Variants in FGF12 observed in about 807,000 individuals in gnomAD.
FGF12 encodes fibroblast growth factor 12.
FGF12 carries 14 observed loss-of-function variants against 23.6 expected under a neutral mutation model. The ratio of observed to expected loss-of-function variants is 0.59; its 90% confidence interval spans 0.39 to 0.93. The LOEUF (loss-of-function observed/expected upper bound fraction) is 0.93, where lower values mean the gene tolerates loss of function less well. Among genes scored for constraint, FGF12 ranks in the 40% least tolerant of loss-of-function variants. FGF12 has a pLI of 0.00. For missense variants in FGF12, 175 were observed against 217.8 expected, an observed-to-expected ratio of 0.80 and a Z score of 1.24; for synonymous variants, 62 against 77.3, an observed-to-expected ratio of 0.80 and a Z score of 1.04.
At chr3:192,543,919 C>T (rs1381723216) in intron 2 of FGF12, among the ~76,000 whole-genome samples, 1 of 152,194 alleles carries the variant, frequency 6.6e-6, no homozygotes, top group African/African-American at 2.4e-5. Flanking sequence ...CTTCCCTATC[C>T]TCTCCTAAGG....
intron 2 of FGF12, among the ~76,000 whole-genome samples, chr3:192,697,105 C>T (rs889583170): frequency 1.5e-4 from 23 of 151,808 alleles, no homozygotes; most frequent in African/African-American, 4.8e-4. Flanking sequence ...GGGCTGACTT[C>T]TCCTGCTGAC....
At chr3:192,486,436 C>G (rs547444662) in intron 2 of FGF12, among the ~76,000 whole-genome samples, 1 of 151,718 alleles carries the variant, frequency 6.6e-6, no homozygotes, top group Non-Finnish European at 1.5e-5. Context: ...TCAGATGAGG[C>G]CTTGATGAAA....
At chr3:192,311,795 C>T (rs1029625274) in intron 4 of FGF12, among the ~76,000 whole-genome samples, 3 of 152,140 alleles carry the variant, frequency 2.0e-5, no homozygotes, top group African/African-American at 7.2e-5. Context: ...TTCTCACCTA[C>T]GTGTGTTATT....
Position 192,547,104 on chromosome 3 carries a change from T to C in FGF12, c.13+180077A>G, listed in dbSNP as rs548755661. Among the ~76,000 whole-genome samples, 6 of 152,258 alleles carry C rather than the reference T, an allele frequency of 3.9e-5. No individual in the cohort carries two copies. The South Asian group carries it at 1.0e-3, about 26-fold the overall frequency. ...CAGATTCTAGCTGAGCCTCCACAAA[T>C]GTTCCTTAGACCTACCCAACTCTAT... is the stretch of plus-strand genomic sequence containing the variant. On this transcript the variant is annotated intron_variant, in intron 2 of 5. Transcript: ENST00000445105.
chr3:192,244,185 G>A (rs1412113724), intron 4 of FGF12, among the ~76,000 whole-genome samples: 1 of 151,976 alleles, frequency 6.6e-6, no homozygotes, highest in Non-Finnish European at 1.5e-5. Flanking sequence ...CAAATATTCT[G>A]CTTTCTGCTC....
intron 2 of FGF12, among the ~76,000 whole-genome samples, chr3:192,488,359 T>C (rs1386578478): frequency 6.6e-6 from 1 of 152,114 alleles, no homozygotes; most frequent in Non-Finnish European, 1.5e-5. Flanking sequence ...TAAATATTGC[T>C]TAACCCAGGT....
intron 4 of FGF12, among the ~76,000 whole-genome samples, chr3:192,279,028 G>A (rs1299066845): frequency 1.3e-5 from 2 of 152,110 alleles, no homozygotes; most frequent in Non-Finnish European, 2.9e-5. Context: ...TTTGAATAAC[G>A]AAGGAAGTGT....
intron 4 of FGF12, among the ~76,000 whole-genome samples, chr3:192,286,005 C>T (rs181003286): frequency 1.3e-5 from 2 of 152,118 alleles, no homozygotes; most frequent in East Asian, 3.9e-4. Context: ...AAAAATTTAT[C>T]AAACTTAGTC....
At position 192,727,462 on chromosome 3, in the gene FGF12, ATTTTTTT is replaced by A. The variant is rs34864946; in HGVS notation, c.-131+15_-131+21del. 1 of 561,462 alleles carries A rather than the reference ATTTTTTT, an allele frequency of 1.8e-6. No homozygotes were observed. Among genetic ancestry groups the A allele is most frequent in the Non-Finnish European group, 2.9e-6 (1 of 346,054 alleles). The allele number at this position is 561,462 out of a possible 1,614,324, so 34.8% of individuals were successfully genotyped here. A position where few individuals can be genotyped will look rare whatever the true frequency, so the allele number is the denominator to read the frequency against. Reference sequence around the variant, plus strand: ...AAATGCATGCACAGTGCCCGCTCAGATTTTTTTTTTTTTTTTTTTACCTGGGTCTGGA... The same window carrying A: ...AAATGCATGCACAGTGCCCGCTCAGATTTTTTTTTTTTACCTGGGTCTGGA... On this transcript the variant is annotated intron_variant, in intron 1 of 5. Coordinates refer to ENST00000445105, the MANE Select transcript of FGF12 (RefSeq NM_004113.6).
intron 2 of FGF12, among the ~76,000 whole-genome samples, chr3:192,510,496 C>A (rs148616852): frequency 4.3e-4 from 65 of 152,212 alleles, no homozygotes; most frequent in Non-Finnish European, 1.2e-4. Flanking sequence ...TGTGGAGCAC[C>A]AGGAACCTGC....
chr3:192,200,762 A>T (rs1717326023), intron 4 of FGF12, among the ~76,000 whole-genome samples: 2 of 152,200 alleles, frequency 1.3e-5, no homozygotes, highest in African/African-American at 4.8e-5. Flanking sequence ...TCGACTCTTT[A>T]CAGCACCATA....
intron 2 of FGF12, among the ~76,000 whole-genome samples, chr3:192,623,429 T>TG (rs11338438): frequency 2.5e-4 from 38 of 152,130 alleles, no homozygotes; most frequent in Non-Finnish European, 5.0e-4. Context: ...AATACAGATT[T>TG]GGGGGGTGAT....
chr3:192,719,802 AAAGAAAAAC>A (rs1718984213), intron 2 of FGF12, among the ~76,000 whole-genome samples: 1 of 138,960 alleles, frequency 7.2e-6, no homozygotes, highest in Non-Finnish European at 1.5e-5. Flanking sequence ...AAAAAAAAAA[AAAGAAAAAC>A]AAGAAAAACA....
intron 2 of FGF12, among the ~76,000 whole-genome samples, chr3:192,695,763 A>T (rs377173681): frequency 1.1e-4 from 16 of 152,270 alleles, no homozygotes; most frequent in Admixed American, 3.9e-4. Flanking sequence ...TTATTGGGTC[A>T]ATTAGTTGGC....
At chr3:192,150,914 C>T (rs1320439877) in intron 5 of FGF12, among the ~76,000 whole-genome samples, 2 of 141,718 alleles carry the variant, frequency 1.4e-5, no homozygotes, top group African/African-American at 5.2e-5. Flanking sequence ...GGCAGTATGG[C>T]CATTTTCACG....
chr3:192,665,671 T>C (rs1450013379), intron 2 of FGF12, among the ~76,000 whole-genome samples: 1 of 152,090 alleles, frequency 6.6e-6, no homozygotes, highest in Non-Finnish European at 1.5e-5. Context: ...GCTTAAAACC[T>C]AGATGATGGG....
chr3:192,220,941 A>G (rs938519566), intron 4 of FGF12, among the ~76,000 whole-genome samples: 10 of 152,200 alleles, frequency 6.6e-5, no homozygotes, highest in African/African-American at 2.4e-4. Context: ...GAAATGAGAC[A>G]CAAATAAATC....
At chr3:192,665,686 T>C (rs1577108520) in intron 2 of FGF12, among the ~76,000 whole-genome samples, 3 of 152,178 alleles carry the variant, frequency 2.0e-5, no homozygotes, top group Non-Finnish European at 4.4e-5. Flanking sequence ...GATGGGTTGA[T>C]AGGTACAGCA....
At chr3:192,207,430 G>C (rs1364022290) in intron 4 of FGF12, among the ~76,000 whole-genome samples, 1 of 152,196 alleles carries the variant, frequency 6.6e-6, no homozygotes, top group Admixed American at 6.5e-5. Flanking sequence ...AGTGATATTT[G>C]AGCTGAAGCT....
Sources: allele counts gnomAD v4.1 joint callset (sites outside exome capture counted in the v4.1 genomes callset), GRCh38; gene constraint gnomAD v4.1.1; transcripts MANE v1.5; gene names NCBI Gene and HGNC (gene_info 2026-07-23, HGNC 2026-07-21).